Variants in ADGRE2 observed in about 807,000 individuals in gnomAD.
ADGRE2 encodes CD97 antigen.
In ADGRE2, 83 loss-of-function variants were observed where a neutral mutation model predicts 100.8. The ratio of observed to expected loss-of-function variants is 0.82; its 90% CI spans 0.69 to 0.99. The LOEUF (loss-of-function observed/expected upper bound fraction) is 0.99, where lower values mean the gene tolerates loss of function less well. Ranked by LOEUF, ADGRE2 falls within the 50% of genes least tolerant of loss-of-function variation. The pLI is 0.00. For synonymous variants in ADGRE2, 355 were observed against 413.0 expected (o/e 0.86, Z 1.70); for missense variants, 814 against 1,035.7 (o/e 0.79, Z 2.94).
In ADGRE2 at chr19:14,734,340, ACC is replaced by A. The variant is rs1357451382; in HGVS notation, c.*1894_*1895del. The A allele has an allele frequency of 2.0e-5, 3 of 152,188 alleles. No homozygotes were observed. The highest frequency in any genetic ancestry group is 4.4e-5 in the Non-Finnish European group (3 of 68,080). The allele number at this position is 152,188 out of a possible 1,614,324, so 9.4% of individuals were successfully genotyped here. A position where few individuals can be genotyped will look rare whatever the true frequency, so the allele number is the denominator to read the frequency against. On this transcript the variant is annotated 3_prime_UTR_variant, in exon 21 of 21. Transcript: ENST00000315576. ...ACCTGAGCCTGGGCAGCATAGTGAG[ACC>A]CACGTCTCTACAAAAAATACAAAAA...
chr19:14,737,792 T>C (rs962180499), intron 20 of ADGRE2, among the ~76,000 whole-genome samples: 14 of 151,956 alleles, frequency 9.2e-5, no homozygotes, highest in African/African-American at 3.1e-4. Flanking sequence ...TGAAACCCTG[T>C]CTCTACTAGA....
In ADGRE2 at chr19:14,734,128, T is replaced by C. The variant is rs1452486063; in HGVS notation, c.*2108A>G. On this transcript the variant is annotated 3_prime_UTR_variant, in exon 21 of 21. Coordinates refer to ENST00000315576, the MANE Select transcript of ADGRE2 (RefSeq NM_013447.4). The stretch of plus-strand genomic sequence containing the variant: ...CAAGAAGCTCCAGCTCTGGGACCAG[T>C]TGGATGGGGTTTGAATCCTAACCCT... 2 of 152,214 alleles carry C rather than the reference T, an allele frequency of 1.3e-5. No individual in the cohort carries two copies. Among genetic ancestry groups the C allele is most frequent in the Non-Finnish European group, 2.9e-5 (2 of 68,056 alleles). The allele number at this position is 152,214 out of a possible 1,614,324, so 9.4% of individuals were successfully genotyped here.
chr19:14,750,808 CCTAA>C (rs764973032), intron 16 of ADGRE2, among the ~76,000 whole-genome samples: 31 of 151,876 alleles, frequency 2.0e-4, no homozygotes, highest in Non-Finnish European at 3.4e-4. Context: ...ATGCATTATC[CCTAA>C]CTATTATTAT....
chr19:14,757,130 T>C (rs1169705510), intron 11 of ADGRE2, among the ~76,000 whole-genome samples: 2 of 152,184 alleles, frequency 1.3e-5, no homozygotes, highest in East Asian at 3.9e-4. Flanking sequence ...CTTGAACTCC[T>C]GGGCTCAAGC....
chr19:14,759,470 C>T (rs1204602448), intron 11 of ADGRE2, among the ~76,000 whole-genome samples: 1 of 141,840 alleles, frequency 7.1e-6, no homozygotes, highest in African/African-American at 2.8e-5. Context: ...TACAGTTAGA[C>T]AAAAAGTATA....
At chr19:14,725,957 G>A in the ADGRE2 span, among the ~76,000 whole-genome samples, 1 of 152,186 alleles carries the variant, frequency 6.6e-6, no homozygotes, top group Admixed American at 6.5e-5. Context: ...GGGGGTACGG[G>A]GGAATCCAAT....
intron 5 of ADGRE2, among the ~76,000 whole-genome samples, chr19:14,768,561 G>GT (rs1273268068): frequency 6.6e-6 from 1 of 152,186 alleles, no homozygotes; most frequent in Non-Finnish European, 1.5e-5. Flanking sequence ...TGGGATCTGG[G>GT]TTGACCTCCT....
chr19:14,725,074 T>C, the ADGRE2 span, among the ~76,000 whole-genome samples: 6 of 152,194 alleles, frequency 3.9e-5, no homozygotes, highest in Admixed American at 3.9e-4. Context: ...CTGCTCAGCT[T>C]CTGGCGAGGG....
chr19:14,732,167 A>G (rs1312034241), downstream of ADGRE2: 1 of 152,146 alleles, frequency 6.6e-6, no homozygotes, highest in Non-Finnish European at 1.5e-5. Context: ...CCCTTCACAG[A>G]TATTGCATTT....
chr19:14,738,324 G>A (rs1010820721), intron 20 of ADGRE2, among the ~76,000 whole-genome samples: 1 of 152,174 alleles, frequency 6.6e-6, no homozygotes, highest in African/African-American at 2.4e-5. Context: ...TTAATGAAAT[G>A]TTAGAAGTGT....
At position 14,733,572 on chromosome 19, in the gene ADGRE2, C is replaced by T. The variant is rs942842613; in HGVS notation, c.*2664G>A. 1 of 147,862 alleles carries T rather than the reference C, an allele frequency of 6.8e-6. No homozygotes were observed. The highest frequency in any genetic ancestry group is 1.5e-5 in the Non-Finnish European group (1 of 66,138). 9.2% of individuals were successfully genotyped at this position (147,862 alleles called of 1,614,324 possible). On this transcript the variant is annotated 3_prime_UTR_variant, in exon 21 of 21. Transcript: ENST00000315576. The stretch of plus-strand genomic sequence containing the variant: ...GTATAAAAGCAAACACACCACTCTC[C>T]CTCCCATATAAGCACAACAAAAAAA...
At chr19:14,770,669 CTTTTTTTTTTTTTT>C (rs775214778) in intron 5 of ADGRE2, among the ~76,000 whole-genome samples, 3,139 of 85,136 alleles carry the variant, frequency 0.037, 78 homozygotes, top group South Asian at 0.097. Flanking sequence ...TCTTTCTTTT[CTTTTTTTTTTTTTT>C]TTTTTTTTTT....
At chr19:14,756,369 AG>A (rs1020891743) in intron 11 of ADGRE2, 24 bp from the exon 12 acceptor site, 1 of 1,560,910 alleles carries the variant, frequency 6.4e-7, no homozygotes, top group Admixed American at 1.7e-5. Context: ...GAATTACATA[AG>A]GGGGGTTAGG....
chr19:14,752,970 C>A (rs969039811), intron 14 of ADGRE2, among the ~76,000 whole-genome samples: 1 of 152,048 alleles, frequency 6.6e-6, no homozygotes, highest in Non-Finnish European at 1.5e-5. Context: ...CAGGGTCACA[C>A]CATGTTGGCC....
intron 2 of ADGRE2, 157 bp downstream of exon 2, chr19:14,776,569 C>T (rs1405533516): frequency 5.8e-6 from 5 of 861,406 alleles, no homozygotes; most frequent in Non-Finnish European, 9.1e-6. Flanking sequence ...CCACCAGCCC[C>T]TCTCGCCGTG....
intron 18 of ADGRE2, among the ~76,000 whole-genome samples, chr19:14,744,179 G>A (rs1356784863): frequency 6.6e-6 from 1 of 151,798 alleles, no homozygotes; most frequent in Non-Finnish European, 1.5e-5. Flanking sequence ...AGGAGGCGGA[G>A]GTTGCAGTGA....
intron 5 of ADGRE2, among the ~76,000 whole-genome samples, chr19:14,769,225 C>G (rs968041116): frequency 2.1e-5 from 3 of 143,918 alleles, no homozygotes; most frequent in South Asian, 2.2e-4. Context: ...CACCCCCCCC[C>G]CATCTTTACT....
At chr19:14,757,091 T>A (rs558169392) in intron 11 of ADGRE2, among the ~76,000 whole-genome samples, 1 of 152,178 alleles carries the variant, frequency 6.6e-6, no homozygotes, top group East Asian at 1.9e-4. Flanking sequence ...TTTGTGGAGA[T>A]CATGTTTCAG....
Position 14,755,667 on chromosome 19 carries a change from G to A in ADGRE2, c.1403C>T (p.Thr468Ile), listed in dbSNP as rs747355337. The A allele has an allele frequency of 1.2e-6, 2 of 1,614,154 alleles. No homozygotes were observed. The highest frequency in any genetic ancestry group is 8.5e-7 in the Non-Finnish European group (1 of 1,179,990). Residue 468 changes from threonine to isoleucine, a missense_variant, in exon 13 of 21, where the codon ACC (threonine) becomes ATC (isoleucine). Coordinates refer to ENST00000315576, the MANE Select transcript of ADGRE2 (RefSeq NM_013447.4). ...ACCAGCACTCACACGGTGGGAGAAGGTGAAGGTAACTGGGGAGCTGAGGTT... is the reference window on the plus strand; with the variant it reads ...ACCAGCACTCACACGGTGGGAGAAGATGAAGGTAACTGGGGAGCTGAGGTT... Reference protein sequence around the residue: ...TQNLSSPVTFTFSHRSVIPRQ... With the variant: ...TQNLSSPVTFIFSHRSVIPRQ...
Sources: allele counts gnomAD v4.1 joint callset (sites outside exome capture counted in the v4.1 genomes callset), GRCh38; gene constraint gnomAD v4.1.1; transcripts MANE v1.5; gene names NCBI Gene and HGNC (gene_info 2026-07-23, HGNC 2026-07-21).